FBXO6: variants seen among roughly 807,000 people sequenced by gnomAD.
FBXO6 encodes the protein F-box protein 6, also known as F-box only protein 6.
A neutral mutation model predicts 25.0 loss-of-function variants in FBXO6; 13 were observed. The ratio of observed to expected loss-of-function variants is 0.52; its 90% CI spans 0.34 to 0.83. The LOEUF (loss-of-function observed/expected upper bound fraction) is 0.83. FBXO6 is among the 40% of genes least tolerant of loss of function. FBXO6 has a pLI of 0.02. For synonymous variants in FBXO6, 138 were observed against 155.3 expected (o/e 0.89, Z 0.83); for missense variants, 370 against 380.2 (o/e 0.97, Z 0.22).
At chr1:11,672,106 A>G (rs1323394303) in intron 4 of FBXO6, 83 bp downstream of exon 4, 7 of 1,263,864 alleles carry the variant, frequency 5.5e-6, no homozygotes, top group African/African-American at 2.9e-5. Context: ...ACCCATAGCA[A>G]GTGCCCACTC....
chr1:11,666,204 G>A (rs1277807575), intron 1 of FBXO6, among the ~76,000 whole-genome samples: 5 of 151,286 alleles, frequency 3.3e-5, no homozygotes, highest in Non-Finnish European at 2.9e-5. Flanking sequence ...GGCTGGGTTC[G>A]GTGGCTCACA....
At chr1:11,665,054 T>G (rs1263759853) in intron 1 of FBXO6, among the ~76,000 whole-genome samples, 4 of 152,110 alleles carry the variant, frequency 2.6e-5, no homozygotes, top group Non-Finnish European at 5.9e-5. Flanking sequence ...TTTATTTATT[T>G]ATTTATTTAT....
intron 3 of FBXO6, 53 bp downstream of exon 3, chr1:11,671,445 C>T (rs1458435513): frequency 1.1e-5 from 17 of 1,585,976 alleles, no homozygotes; most frequent in Non-Finnish European, 1.3e-5. Context: ...AGGGTCAGGA[C>T]ACCTTTGCCA....
intron 2 of FBXO6, among the ~76,000 whole-genome samples, chr1:11,670,890 G>A (rs530284845): frequency 1.3e-5 from 2 of 152,202 alleles, no homozygotes; most frequent in Admixed American, 6.5e-5. Flanking sequence ...CTGGTAACAC[G>A]CATTCTTTTC....
Position 11,673,685 on chromosome 1 carries a change from C to G in FBXO6, c.716C>G (p.Thr239Ser). Residue 239 changes from threonine to serine, a missense_variant, in exon 6 of 6, where the codon ACC becomes AGC. Coordinates refer to ENST00000376753, the MANE Select transcript of FBXO6 (RefSeq NM_018438.6). This position sits in a 1 kb window ranked among gnomAD's most constrained non-coding sequence, Gnocchi z 4.3. ...YILFQHGGRD[T>S]QYWAGWYGPR... ...CTCTTCCAGCATGGGGGCAGGGACA[C>G]CCAGTACTGGGCAGGCTGGTATGGG... is the stretch of plus-strand genomic sequence containing the variant. 4 of 1,614,132 alleles carry G rather than the reference C, an allele frequency of 2.5e-6. No homozygotes were observed. Among genetic ancestry groups the G allele is most frequent in the Non-Finnish European group, 3.4e-6 (4 of 1,180,038 alleles).
intron 1 of FBXO6, among the ~76,000 whole-genome samples, chr1:11,665,989 T>A (rs1202151576): frequency 2.3e-5 from 3 of 128,376 alleles, no homozygotes; most frequent in African/African-American, 9.5e-5. Flanking sequence ...TTGGCCACAT[T>A]GGGTTTTTTT....
rs201022046 is a variant in FBXO6 at position 11,670,628 on chromosome 1, TA to T, written c.287-628del. ...TTTTTTAAAAAATTATTTTACTTAT[TA>T]AAAAAAAAAGGGGGGGGGGGTGTCG... On this transcript the variant is annotated intron_variant, in intron 2 of 5. Transcript: ENST00000376753. Among the ~76,000 whole-genome samples the T allele has an allele frequency of 3.4e-3, 312 of 92,866 alleles. 1 individual carries two copies. Among genetic ancestry groups the T allele is most frequent in the African/African-American group, 0.015 (290 of 19,792 alleles). 60.9% of individuals were successfully genotyped at this position (92,866 alleles called of 152,430 possible). A position where few individuals can be genotyped will look rare whatever the true frequency, so the allele number is the denominator to read the frequency against.
Position 11,673,707 on chromosome 1 carries a change from T to A in FBXO6, c.738T>A (p.Tyr246Ter), listed in dbSNP as rs1430217523. 31 of 1,614,034 alleles carry A rather than the reference T, an allele frequency of 1.9e-5. No homozygotes were observed. Among genetic ancestry groups the A allele is most frequent in the Admixed American group, 6.7e-5 (4 of 60,024 alleles). The change falls in exon 6 of 6, where the codon TAT becomes TAA. Residue 246 changes from tyrosine (Y) to a stop codon, truncating the protein, a stop_gained. Coordinates refer to ENST00000376753, the MANE Select transcript of FBXO6 (RefSeq NM_018438.6). LOFTEE classifies it low-confidence loss of function (END_TRUNC). This position sits in a 1 kb window ranked among gnomAD's most constrained non-coding sequence, Gnocchi z 4.3. ...GRDTQYWAGW[Y>*]GPRVTNSSIV... is the part of the protein sequence containing the mutation. ...ACACCCAGTACTGGGCAGGCTGGTA[T>A]GGGCCCCGAGTCACCAACAGCAGCA...
chr1:11,674,178 C>G lies in FBXO6; in HGVS notation c.*327C>G, dbSNP rs923830466. ...AATTAGCCGGGCGTGGTGGCGGGCG[C>G]CTGTAGTCCCAGCTACTCGGGAGGC... On this transcript the variant is annotated 3_prime_UTR_variant, in exon 6 of 6. Coordinates refer to ENST00000376753, the MANE Select transcript of FBXO6 (RefSeq NM_018438.6). This position sits in a 1 kb window ranked among gnomAD's most constrained non-coding sequence, Gnocchi z 6.1. 9 of 299,692 alleles carry G rather than the reference C, an allele frequency of 3.0e-5. No individual in the cohort carries two copies. Among genetic ancestry groups the G allele is most frequent in the African/African-American group, 1.9e-4 (9 of 46,422 alleles). The allele number at this position is 299,692 out of a possible 1,614,324, so 18.6% of individuals were successfully genotyped here.
rs376429314 is a variant in FBXO6, at chr1:11,672,651, A to G, written c.510-626A>G. Among the ~76,000 whole-genome samples, 128 of 151,924 alleles carry G rather than the reference A, an allele frequency of 8.4e-4. 2 individuals carry two copies. In the South Asian group the frequency reaches 0.013, roughly 15 times the overall value. On this transcript the variant is annotated intron_variant, in intron 4 of 5. Transcript: ENST00000376753. ...TCAGCCCTCTCTGGACTGGGTGGGA[A>G]CCCCCAGGTCCCCTGACCTACCTGC...
rs565719714 is a variant in FBXO6, at chr1:11,674,042, C to T, written c.*191C>T. ...TTTTCAGGCCGGGCACTGTGGCTCA[C>T]GCCTGTAATCCCAGCACTTTGGGAG... On this transcript the variant is annotated 3_prime_UTR_variant, in exon 6 of 6. Coordinates refer to ENST00000376753, the MANE Select transcript of FBXO6 (RefSeq NM_018438.6). This position sits in a 1 kb window ranked among gnomAD's most constrained non-coding sequence, Gnocchi z 6.1. 2.8e-5 allele frequency: 16 copies of T among 579,960 alleles called. 1 individual carries two copies. Among genetic ancestry groups the T allele is most frequent in the South Asian group, 1.2e-4 (6 of 51,280 alleles). 35.9% of individuals were successfully genotyped at this position (579,960 alleles called of 1,614,324 possible).
intron 2 of FBXO6, among the ~76,000 whole-genome samples, chr1:11,669,721 CAT>C (rs1203789127): frequency 4.1e-5 from 5 of 121,668 alleles, no homozygotes; most frequent in African/African-American, 1.7e-4. Context: ...TATGTGTATA[CAT>C]ATATACATAT....
Position 11,668,901 on chromosome 1 carries a change from A to G in FBXO6, c.243A>G (p.Leu81=). ...CCGACTGGAAAATCTTCTACTTCCT[A>G]CGGAGCCTGCATAGGAACCTCCTGC... ...PVADWKIFYF[L]RSLHRNLLRN... Residue 81 remains leucine (L), a synonymous_variant, in exon 2 of 6, where the codon CTA becomes CTG. Coordinates refer to ENST00000376753, the MANE Select transcript of FBXO6 (RefSeq NM_018438.6). 1 of 1,614,048 alleles carries G rather than the reference A, an allele frequency of 6.2e-7. No individual in the cohort carries two copies. Among genetic ancestry groups the G allele is most frequent in the Non-Finnish European group, 8.5e-7 (1 of 1,179,996 alleles).
intron 1 of FBXO6, among the ~76,000 whole-genome samples, chr1:11,666,230 A>G (rs1208703373): frequency 6.6e-6 from 1 of 151,494 alleles, no homozygotes; most frequent in Non-Finnish European, 1.5e-5. Context: ...GAGCTACTGC[A>G]GCCTTGACCT....
At position 11,673,718 on chromosome 1, in the gene FBXO6, T is replaced by C; in HGVS notation, c.749T>C (p.Val250Ala). Reference protein sequence around the residue: ...QYWAGWYGPRVTNSSIVVSPK... With the variant: ...QYWAGWYGPRATNSSIVVSPK... ...TGGGCAGGCTGGTATGGGCCCCGAG[T>C]CACCAACAGCAGCATTGTCGTCAGC... Residue 250 changes from valine (V) to alanine (A), a missense_variant, in exon 6 of 6, where the codon GTC becomes GCC. By Grantham distance (64) the Val-to-Ala change is moderately conservative. Coordinates refer to ENST00000376753, the MANE Select transcript of FBXO6 (RefSeq NM_018438.6). The surrounding 1 kb of genome is among the most constrained non-coding windows in gnomAD (Gnocchi z 4.3). The C allele has an allele frequency of 6.2e-7, 1 of 1,613,768 alleles. No individual in the cohort carries two copies. Among genetic ancestry groups the C allele is most frequent in the Non-Finnish European group, 8.5e-7 (1 of 1,179,972 alleles).
In FBXO6 at chr1:11,671,409, C is replaced by A. The variant is rs1640612569; in HGVS notation, c.413+17C>A. On this transcript the variant is annotated intron_variant, in intron 3 of 5. Transcript: ENST00000376753. ...ATCCTACGAGTAAGGCAAACTGAAC[C>A]TACCAGGCTTGCGTGGAGGGGACAG... 6.2e-7 allele frequency: 1 copy of A among 1,610,966 alleles called. No individual in the cohort carries two copies. Among genetic ancestry groups the A allele is most frequent in the East Asian group, 2.2e-5 (1 of 44,780 alleles).
chr1:11,668,548 C>A, intron 1 of FBXO6, 108 bp from the exon 2 acceptor site: 3 of 1,391,196 alleles, frequency 2.2e-6, no homozygotes, highest in South Asian at 2.7e-5. Context: ...AGGCATGTGC[C>A]ACCACACCTG....
Position 11,668,740 on chromosome 1 carries a change from G to C in FBXO6, c.82G>C (p.Val28Leu). Residue 28 changes from valine (V) to leucine (L), a missense_variant, in exon 2 of 6, where the codon GTG becomes CTG. Physicochemically the swap from Val to Leu is conservative, Grantham distance 32. Coordinates refer to ENST00000376753, the MANE Select transcript of FBXO6 (RefSeq NM_018438.6). Reference sequence around the variant, plus strand: ...CATCCTGCTGGAGCTGTTCACGCACGTGCCCGCCCGCCAGCTGCTGCTGAA... The same window carrying C: ...CATCCTGCTGGAGCTGTTCACGCACCTGCCCGCCCGCCAGCTGCTGCTGAA... Reference protein sequence around the residue: ...ENILLELFTHVPARQLLLNCR... With the variant: ...ENILLELFTHLPARQLLLNCR... 1 of 1,614,030 alleles carries C rather than the reference G, an allele frequency of 6.2e-7. No individual in the cohort carries two copies. The highest frequency in any genetic ancestry group is 8.5e-7 in the Non-Finnish European group (1 of 1,180,030).
At chr1:11,671,026 G>A (rs558659449) in intron 2 of FBXO6, among the ~76,000 whole-genome samples, 20 of 152,244 alleles carry the variant, frequency 1.3e-4, no homozygotes, top group Admixed American at 5.2e-4. Context: ...GTGCTCCAAG[G>A]TGCAGTTGGG....
Sources: allele counts gnomAD v4.1 joint callset (sites outside exome capture counted in the v4.1 genomes callset), GRCh38; gene constraint gnomAD v4.1.1; non-coding constraint Gnocchi (gnomAD v3.1); transcripts MANE v1.5; gene names NCBI Gene and HGNC (gene_info 2026-07-23, HGNC 2026-07-21).